The following KALRN variants were observed in gnomAD, a reference collection of about 807,000 sequenced individuals.
KALRN encodes kalirin.
A neutral mutation model predicts 353.7 loss-of-function variants in KALRN; 70 were observed. That is an observed-to-expected ratio of 0.20 (90% CI 0.16 to 0.24). The LOEUF is 0.24. Among genes scored for constraint, KALRN ranks in the 10% least tolerant of loss-of-function variants. The probability of loss-of-function intolerance (pLI) is 1.00; values close to 1 mark genes in which losing one functional copy is unlikely to be tolerated. For synonymous variants in KALRN, 1,391 were observed against 1,434.8 expected (o/e 0.97, Z 0.69); for missense variants, 2,791 against 3,756.7 (o/e 0.74, Z 6.72).
intron 11 of KALRN, among the ~76,000 whole-genome samples, chr3:124,389,458 C>A (rs2088980034): frequency 6.6e-6 from 1 of 152,170 alleles, no homozygotes; most frequent in South Asian, 2.1e-4. Context: ...TCTACAAATT[C>A]AAGTCTGCTT....
At chr3:124,642,206 C>T (rs1356611794) in intron 37 of KALRN, among the ~76,000 whole-genome samples, 4 of 152,078 alleles carry the variant, frequency 2.6e-5, no homozygotes, top group African/African-American at 7.3e-5. Flanking sequence ...ATCGCTTGAA[C>T]TCGGGAGGCA....
intron 34 of KALRN, among the ~76,000 whole-genome samples, chr3:124,564,163 C>T: frequency 6.8e-6 from 1 of 146,476 alleles, no homozygotes; most frequent in Non-Finnish European, 1.5e-5. Flanking sequence ...CGAGATCGCG[C>T]CACCGCACTC....
At chr3:124,176,704 G>T (rs2072813937) in intron 1 of KALRN, among the ~76,000 whole-genome samples, 1 of 152,192 alleles carries the variant, frequency 6.6e-6, no homozygotes, top group African/African-American at 2.4e-5. Context: ...TTGATGCAAA[G>T]CAAGGTTCAG....
intron 38 of KALRN, among the ~76,000 whole-genome samples, chr3:124,652,156 G>A (rs886370815): frequency 2.6e-5 from 4 of 152,178 alleles, no homozygotes; most frequent in Non-Finnish European, 4.4e-5. Flanking sequence ...AAAAATAAGT[G>A]AGGCCAGGTC....
chr3:124,431,988 G>A (rs1443493075), intron 16 of KALRN, among the ~76,000 whole-genome samples: 1 of 152,202 alleles, frequency 6.6e-6, no homozygotes, highest in Non-Finnish European at 1.5e-5. Flanking sequence ...CATTTTCTAA[G>A]GCGGAATTAA....
intron 23 of KALRN, among the ~76,000 whole-genome samples, chr3:124,460,888 C>A (rs1329102687): frequency 6.6e-6 from 1 of 152,220 alleles, no homozygotes; most frequent in African/African-American, 2.4e-5. Context: ...AGAACCCTCT[C>A]TTTAAAGATG....
At chr3:124,451,683 A>G (rs2058802610) in intron 21 of KALRN, among the ~76,000 whole-genome samples, 1 of 152,132 alleles carries the variant, frequency 6.6e-6, no homozygotes, top group Admixed American at 6.5e-5. Context: ...CCTCCCAGAA[A>G]CCCAGAAAAA....
At chr3:124,329,468 A>G (rs780738765) in intron 7 of KALRN, among the ~76,000 whole-genome samples, 2 of 152,164 alleles carry the variant, frequency 1.3e-5, no homozygotes, top group Non-Finnish European at 2.9e-5. Context: ...ACATCTCCTT[A>G]CATTACACAC....
At chr3:124,387,934 T>C (rs960821821) in intron 11 of KALRN, among the ~76,000 whole-genome samples, 4 of 152,104 alleles carry the variant, frequency 2.6e-5, no homozygotes, top group Admixed American at 6.5e-5. Flanking sequence ...TCCAAACCAG[T>C]CTGTATGAGG....
intron 1 of KALRN, among the ~76,000 whole-genome samples, chr3:124,135,193 G>T (rs147100824): frequency 7.9e-4 from 120 of 152,288 alleles, no homozygotes; most frequent in Middle Eastern, 6.8e-3. Flanking sequence ...ATACTACTCA[G>T]CCCTAAAAAG....
chr3:124,449,542 A>C (rs1326505142), intron 21 of KALRN, among the ~76,000 whole-genome samples: 1 of 152,236 alleles, frequency 6.6e-6, no homozygotes. Context: ...ATTTCTTCTA[A>C]AAGTAAAACT....
intron 2 of KALRN, among the ~76,000 whole-genome samples, chr3:124,231,757 AT>A (rs2079186262): frequency 6.6e-6 from 1 of 151,984 alleles, no homozygotes; most frequent in Non-Finnish European, 1.5e-5. Context: ...GAATAACCTC[AT>A]TCCCTAAAAA....
intron 11 of KALRN, among the ~76,000 whole-genome samples, chr3:124,385,439 A>T (rs190536800): frequency 6.6e-6 from 1 of 152,256 alleles, no homozygotes; most frequent in South Asian, 2.1e-4. Context: ...AGAGTCCCAC[A>T]GAACTTGTAG....
chr3:124,385,952 C>T (rs2088219804), intron 11 of KALRN, among the ~76,000 whole-genome samples: 1 of 150,496 alleles, frequency 6.6e-6, no homozygotes. Flanking sequence ...GATTGCTGCT[C>T]AGGAAAAAAA....
intron 1 of KALRN, among the ~76,000 whole-genome samples, chr3:124,198,150 T>C (rs929900663): frequency 1.3e-5 from 2 of 152,158 alleles, no homozygotes; most frequent in Non-Finnish European, 2.9e-5. Flanking sequence ...GAAGGGTAGA[T>C]TTTGGATGGC....
intron 1 of KALRN, among the ~76,000 whole-genome samples, chr3:124,161,222 G>A (rs1432675888): frequency 2.0e-5 from 3 of 152,196 alleles, no homozygotes; most frequent in African/African-American, 4.8e-5. Context: ...TGATATGTGA[G>A]TAAATTTGCC....
At chr3:124,182,082 T>G (rs1277973313) in intron 1 of KALRN, among the ~76,000 whole-genome samples, 1 of 152,188 alleles carries the variant, frequency 6.6e-6, no homozygotes, top group Admixed American at 6.5e-5. Context: ...AATACAAACG[T>G]GGATGCTGGA....
At chr3:124,310,742 C>T (rs1373655938) in intron 6 of KALRN, among the ~76,000 whole-genome samples, 1 of 152,066 alleles carries the variant, frequency 6.6e-6, no homozygotes, top group Non-Finnish European at 1.5e-5. Flanking sequence ...CCTTACCTTA[C>T]ACTAAATTAA....
intron 1 of KALRN, among the ~76,000 whole-genome samples, chr3:124,119,602 C>A (rs980864854): frequency 2.0e-5 from 3 of 152,164 alleles, no homozygotes; most frequent in East Asian, 1.9e-4. Context: ...GGGGAGGAGG[C>A]AGGACTACTT....
Sources: allele counts gnomAD v4.1 joint callset (sites outside exome capture counted in the v4.1 genomes callset), GRCh38; gene constraint gnomAD v4.1.1; transcripts MANE v1.5; gene names NCBI Gene and HGNC (gene_info 2026-07-23, HGNC 2026-07-21).